Variants in VWA8 observed in about 807,000 individuals in gnomAD.
VWA8 encodes von Willebrand factor A domain containing 8, also known as von Willebrand factor A domain-containing protein 8.
Under a neutral mutation model 241.5 loss-of-function variants are expected in VWA8, and 221 were observed. The ratio of observed to expected loss-of-function variants is 0.91; its 90% CI spans 0.82 to 1.02. The LOEUF is 1.02. Ranked by LOEUF, VWA8 falls within the 50% of genes least tolerant of loss-of-function variation. The pLI is 0.00. For missense variants in VWA8, 2,322 were observed against 2,328.7 expected, an observed-to-expected ratio of 1.00 and a Z score of 0.06; for synonymous variants, 852 against 827.1, an observed-to-expected ratio of 1.03 and a Z score of -0.52.
chr13:41,682,192 A>G lies in VWA8; in HGVS notation c.4327+2855T>C, dbSNP rs2045105330. Among the ~76,000 whole-genome samples the G allele has an allele frequency of 2.0e-5, 3 of 152,160 alleles. No individual in the cohort carries two copies. In the South Asian group the frequency reaches 6.2e-4, roughly 32 times the overall value. On this transcript the variant is annotated intron_variant, in intron 35 of 44. Transcript: ENST00000379310. Reference sequence around the variant, plus strand: ...TAGACACATAGACCAATGGAACACAATAGAGAATCCAGAAATAGACCCACT... The same window carrying G: ...TAGACACATAGACCAATGGAACACAGTAGAGAATCCAGAAATAGACCCACT...
At position 41,660,331 on chromosome 13, in the gene VWA8, G is replaced by T. The variant is rs573595386; in HGVS notation, c.4611+10615C>A. On this transcript the variant is annotated intron_variant, in intron 37 of 44. Transcript: ENST00000379310. The stretch of plus-strand genomic sequence containing the variant: ...GGGTTTCTCCATGTTGCCCAGGATG[G>T]TCTTGAACTGTTGACCTCAAGTGAT... Among the ~76,000 whole-genome samples, 11 of 152,168 alleles carry T rather than the reference G, an allele frequency of 7.2e-5. No homozygotes were observed. In the East Asian group the frequency reaches 2.1e-3, roughly 29 times the overall value.
At position 41,865,926 on chromosome 13, in the gene VWA8, T is replaced by C; in HGVS notation, c.1323A>G (p.Lys441=). Residue 441 remains lysine (K), a synonymous_variant, in exon 11 of 45, where the codon AAA becomes AAG. Transcript: ENST00000379310. The part of the protein sequence containing the change: ...QAEMMQSHMV[K]DICLIGGKGC... ...CCTTTCCTCCAATTAAACATATATC[T>C]TTAACCATGTGAGACTGCATCATTT... 6.2e-7 allele frequency: 1 copy of C among 1,614,246 alleles called. No individual in the cohort carries two copies. The highest frequency in any genetic ancestry group is 1.1e-5 in the South Asian group (1 of 91,088).
At chr13:41,816,675 C>CTG (rs1239174055) in intron 16 of VWA8, 23 bp downstream of exon 16, 1 of 1,592,304 alleles carries the variant, frequency 6.3e-7, no homozygotes, top group African/African-American at 1.4e-5. Context: ...ATAGAAAATC[C>CTG]TGTGGAAAAA....
chr13:41,823,794 C>T (rs540341006), intron 14 of VWA8, among the ~76,000 whole-genome samples: 87 of 152,230 alleles, frequency 5.7e-4, no homozygotes, highest in African/African-American at 1.9e-3. Flanking sequence ...CGGAGATCAT[C>T]GAGATGTATA....
chr13:41,924,168 A>C (rs756569348), intron 2 of VWA8, among the ~76,000 whole-genome samples: 4 of 152,162 alleles, frequency 2.6e-5, no homozygotes, highest in Non-Finnish European at 5.9e-5. Flanking sequence ...GAAAACAGGA[A>C]AACAATTTAT....
chr13:41,955,844 A>G (rs1878328531), intron 1 of VWA8: 1 of 152,184 alleles, frequency 6.6e-6, no homozygotes, highest in Non-Finnish European at 1.5e-5. Flanking sequence ...AGCTTGGGTC[A>G]ACCACAGGCT....
intron 9 of VWA8, among the ~76,000 whole-genome samples, chr13:41,872,117 T>C (rs530504328): frequency 1.7e-3 from 254 of 152,326 alleles, no homozygotes; most frequent in Non-Finnish European, 3.4e-4. Flanking sequence ...TTGAGAAGTG[T>C]CTGTTCATGT....
chr13:41,817,436 G>A (rs1247821299), intron 15 of VWA8, among the ~76,000 whole-genome samples: 2 of 152,048 alleles, frequency 1.3e-5, no homozygotes, highest in African/African-American at 4.8e-5. Context: ...ACAAATTTAA[G>A]GTTTTAATTT....
chr13:41,575,906 G>T, intron 42 of VWA8, 68 bp from the exon 43 acceptor site: 1 of 1,199,224 alleles, frequency 8.3e-7, no homozygotes, highest in Non-Finnish European at 1.2e-6. Context: ...GATCTTTAAT[G>T]TTCAACTCTT....
intron 17 of VWA8, among the ~76,000 whole-genome samples, chr13:41,792,278 T>C (rs1445617495): frequency 6.6e-6 from 1 of 151,942 alleles, no homozygotes; most frequent in Non-Finnish European, 1.5e-5. Flanking sequence ...TCCTAGTTTG[T>C]GGGTTATAAC....
intron 4 of VWA8, among the ~76,000 whole-genome samples, chr13:41,895,243 A>T (rs1875041774): frequency 6.6e-6 from 1 of 152,174 alleles, no homozygotes; most frequent in South Asian, 2.1e-4. Context: ...TCTGAGGTAC[A>T]CAATATTTTA....
At chr13:41,616,889 C>A (rs2044623537) in intron 37 of VWA8, among the ~76,000 whole-genome samples, 1 of 152,168 alleles carries the variant, frequency 6.6e-6, no homozygotes, top group Admixed American at 6.5e-5. Flanking sequence ...TTGCAGCACC[C>A]TCTAGATGTA....
At chr13:41,937,154 C>T (rs1877388757) in intron 2 of VWA8, among the ~76,000 whole-genome samples, 1 of 152,134 alleles carries the variant, frequency 6.6e-6, no homozygotes, top group South Asian at 2.1e-4. Flanking sequence ...GTAGGCTATA[C>T]CAGCAGTCAC....
intron 40 of VWA8, among the ~76,000 whole-genome samples, chr13:41,604,367 G>C (rs925749183): frequency 6.6e-6 from 1 of 151,958 alleles, no homozygotes; most frequent in Non-Finnish European, 1.5e-5. Flanking sequence ...TTTGAAATTA[G>C]ACATCTGTTT....
chr13:41,568,129 T>C lies in VWA8; in HGVS notation c.*68A>G. 5 of 1,383,956 alleles carry C rather than the reference T, an allele frequency of 3.6e-6. No individual in the cohort carries two copies. Among genetic ancestry groups the C allele is most frequent in the Non-Finnish European group, 5.1e-6 (5 of 979,620 alleles). 85.7% of individuals were successfully genotyped at this position (1,383,956 alleles called of 1,614,324 possible). ...GTTCACTTCATCCATATCTTCTTTTTTTCAGAATACTCTTTATTCCTGTCT... is the reference window on the plus strand; with the variant it reads ...GTTCACTTCATCCATATCTTCTTTTCTTCAGAATACTCTTTATTCCTGTCT... On this transcript the variant is annotated 3_prime_UTR_variant, in exon 45 of 45. Coordinates refer to ENST00000379310, the MANE Select transcript of VWA8 (RefSeq NM_015058.2).
At chr13:41,724,899 G>A (rs566750916) in intron 24 of VWA8, among the ~76,000 whole-genome samples, 6 of 152,280 alleles carry the variant, frequency 3.9e-5, no homozygotes, top group African/African-American at 1.4e-4. Flanking sequence ...ATTACCCTAG[G>A]AGAACAGGAA....
rs1487178148 is a variant in VWA8 at position 41,903,865 on chromosome 13, A to G, written c.483+3721T>C. ...ATACTAACTGCAAGGAAATAAGATA[A>G]AATAAAAATATGAAAATCAGATAAG... On this transcript the variant is annotated intron_variant, in intron 4 of 44. Coordinates refer to ENST00000379310, the MANE Select transcript of VWA8 (RefSeq NM_015058.2). 2.0e-5 allele frequency among the ~76,000 whole-genome samples: 3 copies of G among 152,214 alleles called. No homozygotes were observed. The East Asian group carries it at 5.8e-4, about 29-fold the overall frequency.
intron 12 of VWA8, among the ~76,000 whole-genome samples, chr13:41,857,840 G>T (rs1378659945): frequency 6.6e-6 from 1 of 152,170 alleles, no homozygotes; most frequent in Non-Finnish European, 1.5e-5. Flanking sequence ...GTTTGTGAAG[G>T]TATTTCTGGA....
intron 21 of VWA8, among the ~76,000 whole-genome samples, chr13:41,746,248 T>C (rs183636009): frequency 2.0e-5 from 3 of 152,352 alleles, no homozygotes; most frequent in East Asian, 3.8e-4. Context: ...AATGTAGCTG[T>C]TCTCTAGTGG....
Sources: allele counts gnomAD v4.1 joint callset (sites outside exome capture counted in the v4.1 genomes callset), GRCh38; gene constraint gnomAD v4.1.1; transcripts MANE v1.5; gene names NCBI Gene and HGNC (gene_info 2026-07-23, HGNC 2026-07-21).